RBFOX1: variants seen among roughly 807,000 people sequenced by gnomAD.
RBFOX1 encodes the protein RNA binding protein fox-1 homolog 1.
In RBFOX1, 8 loss-of-function variants were observed where a neutral mutation model predicts 57.7. The ratio of observed to expected loss-of-function variants is 0.14; its 90% CI spans 0.08 to 0.25. RBFOX1 has a LOEUF of 0.25. Among genes scored for constraint, RBFOX1 ranks in the 10% least tolerant of loss-of-function variants. RBFOX1 has a pLI of 1.00. For missense variants in RBFOX1, 611 were observed against 548.5 expected, an observed-to-expected ratio of 1.11 and a Z score of -1.14; for synonymous variants, 326 against 222.4, an observed-to-expected ratio of 1.47 and a Z score of -4.15.
rs544394051 is a variant in RBFOX1 at position 6,582,861 on chromosome 16, T to C, written c.-63-71742T>C. Among the ~76,000 whole-genome samples the C allele has an allele frequency of 6.4e-5, 9 of 140,332 alleles. No individual in the cohort carries two copies. In the South Asian group the frequency reaches 2.0e-3, roughly 31 times the overall value. The allele number at this position is 140,332 out of a possible 152,430, so 92.1% of individuals were successfully genotyped here. A position where few individuals can be genotyped will look rare whatever the true frequency, so the allele number is the denominator to read the frequency against. On this transcript the variant is annotated intron_variant, in intron 2 of 15. Coordinates refer to ENST00000550418, the MANE Select transcript of RBFOX1 (RefSeq NM_018723.4). The stretch of plus-strand genomic sequence containing the variant: ...TGGAGTTCATTTCAACAGAAACAAC[T>C]GAGCTACAGTTCCAGCTGGTTTTCT...
At chr16:6,483,078 G>C in intron 2 of RBFOX1, 1 of 953,934 alleles carries the variant, frequency 1.0e-6, no homozygotes, top group Admixed American at 6.1e-5. Flanking sequence ...CTTTGCAAGT[G>C]CCTCCGACCC....
chr16:5,896,350 C>T (rs1301607292), intron 4 of RBFOX1, among the ~76,000 whole-genome samples: 4 of 152,062 alleles, frequency 2.6e-5, no homozygotes, highest in Non-Finnish European at 5.9e-5. Context: ...TATATTAATC[C>T]CCTCCCTGTG....
chr16:6,071,871 A>G (rs1479454366), intron 1 of RBFOX1, among the ~76,000 whole-genome samples: 1 of 152,216 alleles, frequency 6.6e-6, no homozygotes, highest in Non-Finnish European at 1.5e-5. Flanking sequence ...TTTCACTAGA[A>G]TAATGTCCTC....
At chr16:5,325,569 C>G (rs2064546584) in intron 1 of RBFOX1, among the ~76,000 whole-genome samples, 1 of 152,224 alleles carries the variant, frequency 6.6e-6, no homozygotes, top group South Asian at 2.1e-4. Flanking sequence ...CCCCCAAACA[C>G]TACCCTGTGA....
intron 3 of RBFOX1, among the ~76,000 whole-genome samples, chr16:5,615,858 C>CT (rs1056257315): frequency 2.0e-5 from 3 of 152,072 alleles, no homozygotes; most frequent in African/African-American, 2.4e-5. Context: ...AAGCTGTGGA[C>CT]TTTTTTTTCT....
chr16:7,044,474 G>C (rs1405450083), intron 3 of RBFOX1, among the ~76,000 whole-genome samples: 3 of 152,184 alleles, frequency 2.0e-5, no homozygotes, highest in African/African-American at 7.2e-5. Flanking sequence ...AGACGGGGAA[G>C]ATGAATCCCT....
Position 6,781,326 on chromosome 16 carries a change from G to C in RBFOX1, c.-16+126676G>C, listed in dbSNP as rs142490338. On this transcript the variant is annotated intron_variant, in intron 3 of 15. Coordinates refer to ENST00000550418, the MANE Select transcript of RBFOX1 (RefSeq NM_018723.4). ...CTTTTTAATATGTTGAATTTGATTCGGTAGTATTTTGTTGAGGATTTTTGC... is the reference window on the plus strand; with the variant it reads ...CTTTTTAATATGTTGAATTTGATTCCGTAGTATTTTGTTGAGGATTTTTGC... 9.6e-3 allele frequency among the ~76,000 whole-genome samples: 1,452 copies of C among 152,020 alleles called. 27 individuals carry two copies. Among genetic ancestry groups the C allele is most frequent in the African/African-American group, 0.033 (1,373 of 41,454 alleles).
At chr16:5,847,231 T>A (rs2056779372) in intron 3 of RBFOX1, among the ~76,000 whole-genome samples, 1 of 152,048 alleles carries the variant, frequency 6.6e-6, no homozygotes, top group African/African-American at 2.4e-5. Flanking sequence ...GAGAAGACGC[T>A]GCAGTTGGTA....
At chr16:6,085,225 AG>A (rs1288364601) in intron 1 of RBFOX1, among the ~76,000 whole-genome samples, 25 of 152,284 alleles carry the variant, frequency 1.6e-4, no homozygotes, top group African/African-American at 5.5e-4. Context: ...ACTTTTGGTT[AG>A]AAACATTGGC....
chr16:5,343,936 C>T (rs1041996960), intron 1 of RBFOX1, among the ~76,000 whole-genome samples: 1 of 152,156 alleles, frequency 6.6e-6, no homozygotes, highest in Non-Finnish European at 1.5e-5. Context: ...GTGTCTCTTT[C>T]AGGACGTGGT....
chr16:7,585,845 G>A (rs2094088908), intron 6 of RBFOX1, among the ~76,000 whole-genome samples: 1 of 152,114 alleles, frequency 6.6e-6, no homozygotes, highest in Non-Finnish European at 1.5e-5. Flanking sequence ...CTCTATGACT[G>A]AAACACATAG....
At chr16:5,796,906 C>T (rs569597890) in intron 3 of RBFOX1, among the ~76,000 whole-genome samples, 2 of 152,296 alleles carry the variant, frequency 1.3e-5, no homozygotes, top group African/African-American at 4.8e-5. Context: ...ACTCATGTGA[C>T]AATATTTATT....
At chr16:7,243,850 C>G (rs1416646796) in intron 4 of RBFOX1, among the ~76,000 whole-genome samples, 2 of 152,184 alleles carry the variant, frequency 1.3e-5, no homozygotes, top group African/African-American at 4.8e-5. Flanking sequence ...GCATCCTACC[C>G]CTTATTCTTT....
intron 4 of RBFOX1, among the ~76,000 whole-genome samples, chr16:7,342,577 G>T (rs542530302): frequency 6.6e-6 from 1 of 152,282 alleles, no homozygotes; most frequent in South Asian, 2.1e-4. Context: ...TCTAGGTTGG[G>T]AAAGGAGAAT....
At chr16:6,445,975 AT>A (rs1331458957) in intron 2 of RBFOX1, among the ~76,000 whole-genome samples, 1 of 105,650 alleles carries the variant, frequency 9.5e-6, no homozygotes, top group Non-Finnish European at 2.0e-5. Context: ...ATTTTTTTTT[AT>A]TTTTTAGGGA....
chr16:5,668,585 G>T (rs1224075619), intron 3 of RBFOX1, among the ~76,000 whole-genome samples: 2 of 152,194 alleles, frequency 1.3e-5, no homozygotes, highest in East Asian at 3.9e-4. Flanking sequence ...TTAAACTGCA[G>T]CCTGGGAAGG....
intron 1 of RBFOX1, among the ~76,000 whole-genome samples, chr16:5,427,289 A>G (rs1396875044): frequency 6.6e-6 from 1 of 152,240 alleles, no homozygotes; most frequent in Admixed American, 6.5e-5. Context: ...TAGCAAGTCT[A>G]AAACCTGCAA....
At chr16:5,888,656 G>C (rs2057960164) in intron 4 of RBFOX1, among the ~76,000 whole-genome samples, 1 of 152,068 alleles carries the variant, frequency 6.6e-6, no homozygotes, top group Admixed American at 6.5e-5. Context: ...TCAGCAGGGT[G>C]TGGTGGCACA....
At position 7,479,684 on chromosome 16, in the gene RBFOX1, G is replaced by A. The variant is rs1489424389; in HGVS notation, c.28-38463G>A. Among the ~76,000 whole-genome samples the A allele has an allele frequency of 2.0e-5, 3 of 152,254 alleles. No homozygotes were observed. In the South Asian group the frequency reaches 6.2e-4, roughly 32 times the overall value. Reference sequence around the variant, plus strand: ...TTCAAGTCTAGCCCCTCTTGGGGCTGCTTCTCTCCGAGGGGAAGTGGGGCA... The same window carrying A: ...TTCAAGTCTAGCCCCTCTTGGGGCTACTTCTCTCCGAGGGGAAGTGGGGCA... On this transcript the variant is annotated intron_variant, in intron 4 of 15. Transcript: ENST00000550418.
Sources: allele counts gnomAD v4.1 joint callset (sites outside exome capture counted in the v4.1 genomes callset), GRCh38; gene constraint gnomAD v4.1.1; transcripts MANE v1.5; gene names NCBI Gene and HGNC (gene_info 2026-07-23, HGNC 2026-07-21).